OSBPL6: variants seen among roughly 807,000 people sequenced by gnomAD.
OSBPL6 encodes oxysterol-binding protein-related protein 6.
Under a neutral mutation model 125.8 loss-of-function variants are expected in OSBPL6, and 49 were observed. The observed-to-expected ratio is 0.39, with a 90% CI of 0.31 to 0.49. The LOEUF (loss-of-function observed/expected upper bound fraction) is 0.49. Among genes scored for constraint, OSBPL6 ranks in the 20% least tolerant of loss-of-function variants. OSBPL6 has a pLI of 0.88. For missense variants in OSBPL6, 986 were observed against 1,135.4 expected (o/e 0.87, Z 1.89); for synonymous variants, 394 against 391.8 (o/e 1.01, Z -0.07).
intron 1 of OSBPL6, among the ~76,000 whole-genome samples, chr2:178,247,567 C>T (rs981493273): frequency 6.6e-6 from 1 of 152,150 alleles, no homozygotes; most frequent in South Asian, 2.1e-4. Context: ...TTTCACTGTG[C>T]AGTGTTTTCA....
In OSBPL6 at chr2:178,309,302, G is replaced by A. The variant is rs55707762; in HGVS notation, c.102+3016G>A. Among the ~76,000 whole-genome samples the A allele has an allele frequency of 0.015, 2,317 of 152,022 alleles. 107 individuals carry two copies. The East Asian group carries it at 0.18, about 12-fold the overall frequency. On this transcript the variant is annotated intron_variant, in intron 3 of 24. Transcript: ENST00000190611. Reference sequence around the variant, plus strand: ...CTCCTCATCTGTATTGTGAGCTCTCGTATACAGACTATGTACTCTTAAGTC... The same window carrying A: ...CTCCTCATCTGTATTGTGAGCTCTCATATACAGACTATGTACTCTTAAGTC...
At chr2:178,245,709 C>T (rs2091463099) in intron 1 of OSBPL6, among the ~76,000 whole-genome samples, 1 of 152,128 alleles carries the variant, frequency 6.6e-6, no homozygotes, top group Admixed American at 6.5e-5. Context: ...CACAACAAGC[C>T]TTTGGAGCAG....
At position 178,372,585 on chromosome 2, in the gene OSBPL6, AAAT is replaced by A. The variant is rs777763682; in HGVS notation, c.1395+353_1395+355del. Among the ~76,000 whole-genome samples, 1,082 of 138,586 alleles carry A rather than the reference AAAT, an allele frequency of 7.8e-3. 16 individuals carry two copies. Among genetic ancestry groups the A allele is most frequent in the African/African-American group, 0.027 (1,022 of 37,240 alleles). 90.9% of individuals were successfully genotyped at this position (138,586 alleles called of 152,430 possible). A position where few individuals can be genotyped will look rare whatever the true frequency, so the allele number is the denominator to read the frequency against. On this transcript the variant is annotated intron_variant, in intron 14 of 24. Transcript: ENST00000190611. ...GTGAAATGTTGCAAAAAAAAAAAAA[AAAT>A]TAGCTGAGAAGTTGCCAAGTAAAAA...
chr2:178,272,451 AG>A (rs1213122250), intron 1 of OSBPL6, among the ~76,000 whole-genome samples: 1 of 152,206 alleles, frequency 6.6e-6, no homozygotes, highest in Non-Finnish European at 1.5e-5. Context: ...AAGGCCCCAG[AG>A]GCAAACAGTA....
intron 1 of OSBPL6, among the ~76,000 whole-genome samples, chr2:178,200,210 G>A (rs1320305223): frequency 1.4e-5 from 2 of 144,386 alleles, no homozygotes; most frequent in Non-Finnish European, 3.0e-5. Context: ...TAATGTATGA[G>A]TTAAATGCAA....
At chr2:178,376,571 C>A (rs1693894594) in intron 15 of OSBPL6, among the ~76,000 whole-genome samples, 1 of 152,102 alleles carries the variant, frequency 6.6e-6, no homozygotes, top group Non-Finnish European at 1.5e-5. Flanking sequence ...ACTGGGGAAC[C>A]TGAGTAATCT....
intron 1 of OSBPL6, among the ~76,000 whole-genome samples, chr2:178,255,116 C>A (rs536329654): frequency 5.9e-5 from 9 of 152,316 alleles, no homozygotes; most frequent in Admixed American, 5.9e-4. Flanking sequence ...CCAGCTAGGC[C>A]AGCATGGCAA....
At position 178,315,292 on chromosome 2, in the gene OSBPL6, C is replaced by T. The variant is rs571928166; in HGVS notation, c.103-8885C>T. Among the ~76,000 whole-genome samples, 7 of 152,230 alleles carry T rather than the reference C, an allele frequency of 4.6e-5. No individual in the cohort carries two copies. In the South Asian group the frequency reaches 1.5e-3, roughly 32 times the overall value. On this transcript the variant is annotated intron_variant, in intron 3 of 24. Coordinates refer to ENST00000190611, the MANE Select transcript of OSBPL6 (RefSeq NM_032523.4). ...CTCTGTCACTGTTGCATGGTGTTTA[C>T]GGTACATGTTCAGTCCATGTCAAAT...
chr2:178,214,030 T>C (rs991182937), intron 1 of OSBPL6, among the ~76,000 whole-genome samples: 3 of 152,216 alleles, frequency 2.0e-5, no homozygotes, highest in African/African-American at 7.2e-5. Flanking sequence ...CAAGTATTTG[T>C]ATAATTACTG....
rs1455838105 is a variant in OSBPL6, at chr2:178,398,764, T to C, written c.*3205T>C. 1.3e-5 allele frequency: 2 copies of C among 152,156 alleles called. No homozygotes were observed. The highest frequency in any genetic ancestry group is 2.9e-5 in the Non-Finnish European group (2 of 68,032). The allele number at this position is 152,156 out of a possible 1,614,324, so 9.4% of individuals were successfully genotyped here. A position where few individuals can be genotyped will look rare whatever the true frequency, so the allele number is the denominator to read the frequency against. ...AATTTTCTAAACCTTTTCCTCTAGA[T>C]TATTCTGGCCCTAGGCCTTTCAGCA... On this transcript the variant is annotated 3_prime_UTR_variant, in exon 25 of 25. Transcript: ENST00000190611.
chr2:178,373,291 C>T (rs1367272081), intron 14 of OSBPL6, among the ~76,000 whole-genome samples: 3 of 152,022 alleles, frequency 2.0e-5, no homozygotes, highest in Non-Finnish European at 4.4e-5. Context: ...TTCTTTTCAA[C>T]CTGAAATGTG....
chr2:178,395,550 T>C lies in OSBPL6; in HGVS notation c.2796T>C (p.Val932=). Residue 932 remains valine, a synonymous_variant, in exon 25 of 25, where the codon GTT becomes GTC. Coordinates refer to ENST00000190611, the MANE Select transcript of OSBPL6 (RefSeq NM_032523.4). The stretch of plus-strand genomic sequence containing the variant: ...GGTTTAGCAAAGTAGACAGCCCTGT[T>C]CTTTGGTAGACTGGGAATGTAGAGC... ...DPGFSKVDSP[V]LW The C allele has an allele frequency of 6.2e-7, 1 of 1,608,718 alleles. No individual in the cohort carries two copies. Among genetic ancestry groups the C allele is most frequent in the Non-Finnish European group, 8.5e-7 (1 of 1,175,362 alleles).
chr2:178,194,097 C>A (rs988622859), upstream of OSBPL6, among the ~76,000 whole-genome samples: 4 of 152,216 alleles, frequency 2.6e-5, no homozygotes, highest in Non-Finnish European at 2.9e-5. Context: ...CCGTTCTGGG[C>A]AACCCTCCCG....
chr2:178,359,640 G>T (rs557584220), intron 12 of OSBPL6, among the ~76,000 whole-genome samples: 169 of 152,290 alleles, frequency 1.1e-3, no homozygotes, highest in African/African-American at 4.0e-3. Context: ...TAGCCAAAAA[G>T]TGGAAACCAC....
At chr2:178,348,276 T>G (rs77137787) in intron 11 of OSBPL6, among the ~76,000 whole-genome samples, 3,900 of 152,316 alleles carry the variant, frequency 0.026, 235 homozygotes, top group East Asian at 0.22. Context: ...TTTCAACTTG[T>G]GGTGGAGTCT....
rs765225908 is a variant in OSBPL6, at chr2:178,389,173, A to G, written c.2301+20A>G. 1 of 1,608,172 alleles carries G rather than the reference A, an allele frequency of 6.2e-7. No homozygotes were observed. The highest frequency in any genetic ancestry group is 1.3e-5 in the African/African-American group (1 of 74,750). On this transcript the variant is annotated intron_variant, in intron 21 of 24. Coordinates refer to ENST00000190611, the MANE Select transcript of OSBPL6 (RefSeq NM_032523.4). ...GTCAAGGTAAATACTATCATACAAC[A>G]GTAAAGGAAAATGAGTATAAAATGC...
At chr2:178,220,457 T>C (rs911086902) in intron 1 of OSBPL6, among the ~76,000 whole-genome samples, 4 of 152,022 alleles carry the variant, frequency 2.6e-5, no homozygotes, top group Non-Finnish European at 5.9e-5. Context: ...CCACCATGGC[T>C]GGGCCTTTTT....
Position 178,392,526 on chromosome 2 carries a change from G to A in OSBPL6, c.2561G>A (p.Arg854Gln), listed in dbSNP as rs1695495071. The change falls in exon 23 of 25, where the codon CGG becomes CAG. Residue 854 changes from arginine to glutamine, a missense_variant. By Grantham distance (43) the Arg-to-Gln change is conservative. Coordinates refer to ENST00000190611, the MANE Select transcript of OSBPL6 (RefSeq NM_032523.4). ...DLLPPTDARF[R>Q]PDQRFLEEGN... The stretch of plus-strand genomic sequence containing the variant: ...CTTCCACCAACAGACGCCCGGTTCC[G>A]GCCAGATCAAAGGTGAGGATGGCAG... The A allele has an allele frequency of 4.3e-6, 7 of 1,613,780 alleles. No homozygotes were observed. The highest frequency in any genetic ancestry group is 1.7e-5 in the Admixed American group (1 of 59,954).
intron 15 of OSBPL6, among the ~76,000 whole-genome samples, chr2:178,374,452 A>G (rs6706483): frequency 0.97 from 147,763 of 152,326 alleles, 71,845 homozygotes; most frequent in Middle Eastern, 1. Flanking sequence ...ATGAATTTAA[A>G]CTTGGAAGGA....
Sources: allele counts gnomAD v4.1 joint callset (sites outside exome capture counted in the v4.1 genomes callset), GRCh38; gene constraint gnomAD v4.1.1; transcripts MANE v1.5; gene names NCBI Gene and HGNC (gene_info 2026-07-23, HGNC 2026-07-21).